The following CLEC4A variants were observed in gnomAD, a reference collection of about 807,000 sequenced individuals.
The protein encoded by CLEC4A is C-type lectin domain family 4 member A.
In CLEC4A, 27 loss-of-function variants were observed where a neutral mutation model predicts 32.7. The ratio of observed to expected loss-of-function variants is 0.83; its 90% CI spans 0.61 to 1.14. The LOEUF is 1.14. CLEC4A is among the 50% of genes most tolerant of loss of function. The pLI is 0.00. For synonymous variants in CLEC4A, 89 were observed against 93.7 expected, an observed-to-expected ratio of 0.95 and a Z score of 0.29; for missense variants, 253 against 274.6, an observed-to-expected ratio of 0.92 and a Z score of 0.55.
At chr12:8,113,960 T>C in the CLEC4A span, among the ~76,000 whole-genome samples, 1 of 152,192 alleles carries the variant, frequency 6.6e-6, no homozygotes, top group Non-Finnish European at 1.5e-5. Flanking sequence ...TGTTGGCACC[T>C]GCACAGTTTC....
At chr12:8,110,020 A>G in the CLEC4A span, among the ~76,000 whole-genome samples, 39 of 152,260 alleles carry the variant, frequency 2.6e-4, no homozygotes, top group Admixed American at 1.3e-3. Context: ...TAAGGATTTA[A>G]ATTCTTATTC....
chr12:8,135,559 C>A (rs112935015), intron 3 of CLEC4A, 26 bp from the exon 4 acceptor site: 15 of 1,611,236 alleles, frequency 9.3e-6, no homozygotes, highest in Middle Eastern at 1.6e-4. Context: ...TTATATTGCA[C>A]GTATGTGCCC....
chr12:8,136,264 T>C (rs1948114144), intron 4 of CLEC4A, among the ~76,000 whole-genome samples: 1 of 152,202 alleles, frequency 6.6e-6, no homozygotes, highest in African/African-American at 2.4e-5. Flanking sequence ...ATTCTGATCA[T>C]AGAAATTGCT....
At chr12:8,129,723 A>T (rs1049093195) in intron 3 of CLEC4A, among the ~76,000 whole-genome samples, 2 of 152,016 alleles carry the variant, frequency 1.3e-5, no homozygotes, top group South Asian at 4.2e-4. Context: ...CCCGGGAGGC[A>T]GAGGTTGCAG....
the CLEC4A span, among the ~76,000 whole-genome samples, chr12:8,115,279 G>A: frequency 2.0e-5 from 3 of 152,180 alleles, no homozygotes; most frequent in African/African-American, 7.2e-5. Context: ...TATTTTGGAG[G>A]GGATATTTAA....
Position 8,129,271 on chromosome 12 carries a change from T to C in CLEC4A, c.207T>C (p.Phe69=), listed in dbSNP as rs755739973. The C allele has an allele frequency of 5.0e-6, 8 of 1,591,336 alleles. No homozygotes were observed. The highest frequency in any genetic ancestry group is 6.9e-6 in the Non-Finnish European group (8 of 1,165,658). Residue 69 remains phenylalanine (F), a synonymous_variant, in exon 3 of 6, where the codon TTT becomes TTC. Transcript: ENST00000229332. ...CTTTATTCTCTTTTCCAGTTTTCTT[T>C]CAAAAATATTCTCAGCTTCTTGAAA... ...ISFFIAFVIF[F]QKYSQLLEKK...
At chr12:8,134,911 C>A in intron 3 of CLEC4A, 1 of 1,363,374 alleles carries the variant, frequency 7.3e-7, no homozygotes. Context: ...TCTTCTAGTT[C>A]TTTGCTGAAA....
chr12:8,104,856 T>C, the CLEC4A span, among the ~76,000 whole-genome samples: 8 of 152,314 alleles, frequency 5.3e-5, no homozygotes, highest in African/African-American at 1.9e-4. Flanking sequence ...TTAGTTCACT[T>C]AGGTTTATGG....
the CLEC4A span, among the ~76,000 whole-genome samples, chr12:8,115,473 G>T: frequency 1.6e-4 from 24 of 152,282 alleles, 1 homozygote; most frequent in East Asian, 2.9e-3. Flanking sequence ...GATAGACCAG[G>T]ACTTCAATGG....
At chr12:8,105,030 T>A in the CLEC4A span, among the ~76,000 whole-genome samples, 8 of 152,344 alleles carry the variant, frequency 5.3e-5, no homozygotes, top group East Asian at 1.5e-3. Context: ...AGTGCTTCAG[T>A]GAACATACGT....
the CLEC4A span, among the ~76,000 whole-genome samples, chr12:8,110,695 T>A: frequency 6.6e-6 from 1 of 151,886 alleles, no homozygotes; most frequent in East Asian, 1.9e-4. Context: ...GGTTTTTAAA[T>A]TAGGAATCAT....
chr12:8,104,245 A>T, the CLEC4A span, among the ~76,000 whole-genome samples: 17 of 152,038 alleles, frequency 1.1e-4, no homozygotes, highest in Admixed American at 1.1e-3. Flanking sequence ...GAGATACACC[A>T]GTTGTGACAA....
At chr12:8,113,570 C>T in the CLEC4A span, among the ~76,000 whole-genome samples, 2 of 152,186 alleles carry the variant, frequency 1.3e-5, no homozygotes, top group African/African-American at 4.8e-5. Flanking sequence ...TAGCAGCAGC[C>T]ATCTGCAGGT....
At chr12:8,123,507 T>A (rs1198405530), upstream of CLEC4A, 1 of 172,460 alleles carries the variant, frequency 5.8e-6, no homozygotes, top group Non-Finnish European at 1.2e-5. Flanking sequence ...TTGTATTTTT[T>A]ACTGGTGAAA....
upstream of CLEC4A, among the ~76,000 whole-genome samples, chr12:8,118,839 G>C (rs1023953306): frequency 6.6e-6 from 1 of 152,208 alleles, no homozygotes; most frequent in Non-Finnish European, 1.5e-5. Flanking sequence ...GTTAGGCCAT[G>C]AGGGCTTTGT....
chr12:8,138,536 A>G lies in CLEC4A; in HGVS notation c.*249A>G. ...CCCATTGTGCACACATGGAGAGAAC[A>G]TGAGTCTCTCTTAATTTTTATCTGG... On this transcript the variant is annotated 3_prime_UTR_variant, in exon 6 of 6. Transcript: ENST00000229332. 1 of 340,830 alleles carries G rather than the reference A, an allele frequency of 2.9e-6. No individual in the cohort carries two copies. Among genetic ancestry groups the G allele is most frequent in the Non-Finnish European group, 5.3e-6 (1 of 188,590 alleles). The allele number at this position is 340,830 out of a possible 1,614,324, so 21.1% of individuals were successfully genotyped here.
At chr12:8,132,696 CT>C (rs1301781662) in intron 3 of CLEC4A, among the ~76,000 whole-genome samples, 1 of 152,174 alleles carries the variant, frequency 6.6e-6, no homozygotes, top group Non-Finnish European at 1.5e-5. Flanking sequence ...TGCTGATTTT[CT>C]GTGTAGTTCT....
At chr12:8,112,525 A>T in the CLEC4A span, among the ~76,000 whole-genome samples, 2 of 152,146 alleles carry the variant, frequency 1.3e-5, no homozygotes, top group African/African-American at 2.4e-5. Flanking sequence ...GGTGAAAAAT[A>T]TATTCATTTC....
the CLEC4A span, among the ~76,000 whole-genome samples, chr12:8,107,666 G>A: frequency 6.6e-6 from 1 of 151,656 alleles, no homozygotes; most frequent in Non-Finnish European, 1.5e-5. Flanking sequence ...TCTAGTTTGT[G>A]TGCATAGAGG....
Sources: gnomAD v4.1 joint callset for allele counts (sites outside exome capture counted in the v4.1 genomes callset) on GRCh38, gnomAD v4.1.1 for gene constraint, MANE v1.5 for transcripts, NCBI Gene and HGNC (gene_info 2026-07-23, HGNC 2026-07-21) for gene names.